The following NEK10 variants were observed in gnomAD, a reference collection of about 807,000 sequenced individuals.
The protein encoded by NEK10 is NIMA related kinase 10.
NEK10 carries 122 observed loss-of-function variants against 159.8 expected under a neutral mutation model. The ratio of observed to expected loss-of-function variants is 0.76; its 90% CI spans 0.66 to 0.89. The LOEUF (loss-of-function observed/expected upper bound fraction) is 0.89. Among genes scored for constraint, NEK10 ranks in the 40% least tolerant of loss-of-function variants. The pLI, the probability that NEK10 is intolerant of heterozygous loss-of-function variation, is 0.00. For synonymous variants in NEK10, 466 were observed against 457.1 expected, an observed-to-expected ratio of 1.02 and a Z score of -0.25; for missense variants, 1,342 against 1,323.1, an observed-to-expected ratio of 1.01 and a Z score of -0.22.
intron 26 of NEK10, among the ~76,000 whole-genome samples, chr3:27,189,978 A>G (rs1948969439): frequency 6.6e-6 from 1 of 152,178 alleles, no homozygotes; most frequent in Non-Finnish European, 1.5e-5. Flanking sequence ...ATAAGGATTT[A>G]ATGTAGAGAC....
At chr3:27,143,815 C>T (rs988529739) in intron 30 of NEK10, among the ~76,000 whole-genome samples, 3 of 152,160 alleles carry the variant, frequency 2.0e-5, no homozygotes, top group African/African-American at 4.8e-5. Context: ...CTTCCACTCA[C>T]TTCTCTATCC....
intron 23 of NEK10, among the ~76,000 whole-genome samples, chr3:27,238,787 G>A (rs1026499792): frequency 1.4e-5 from 2 of 146,696 alleles, no homozygotes; most frequent in Non-Finnish European, 3.0e-5. Flanking sequence ...GTGTGTGTGT[G>A]TGTATGTGAA....
Position 27,174,637 on chromosome 3 carries a change from C to A in NEK10, c.2689+13G>T, listed in dbSNP as rs756593482. 7 of 1,605,218 alleles carry A rather than the reference C, an allele frequency of 4.4e-6. No individual in the cohort carries two copies. The highest frequency in any genetic ancestry group is 2.2e-5 in the East Asian group (1 of 44,790). On this transcript the variant is annotated intron_variant, in intron 27 of 35. Coordinates refer to ENST00000691995, the MANE Select transcript of NEK10 (RefSeq NM_001394966.1). ...TAGCAGTACCTACGTTGACACACTG[C>A]CACTAGCAGTACCTTTCTCAGCATT...
chr3:27,132,160 G>A (rs1210871520), intron 31 of NEK10, among the ~76,000 whole-genome samples, 170 bp from the exon 32 acceptor site: 4 of 152,068 alleles, frequency 2.6e-5, no homozygotes, highest in Non-Finnish European at 5.9e-5. Context: ...TTTACCCTGC[G>A]ATTCAGAAGG....
At chr3:27,128,487 T>C (rs567156051) in intron 32 of NEK10, among the ~76,000 whole-genome samples, 1 of 152,218 alleles carries the variant, frequency 6.6e-6, no homozygotes, top group East Asian at 1.9e-4. Context: ...ACTTCTACAA[T>C]AAGAAACTTT....
chr3:27,237,608 C>A (rs964009692), intron 23 of NEK10, among the ~76,000 whole-genome samples: 1 of 151,056 alleles, frequency 6.6e-6, no homozygotes, highest in African/African-American at 2.4e-5. Context: ...TGTGAGTATG[C>A]AAAGGCATAA....
Position 27,304,064 on chromosome 3 carries a change from G to A in NEK10, c.1028+683C>T, listed in dbSNP as rs1160863236. Among the ~76,000 whole-genome samples, 3 of 152,098 alleles carry A rather than the reference G, an allele frequency of 2.0e-5. No individual in the cohort carries two copies. The South Asian group carries it at 6.2e-4, about 32-fold the overall frequency. On this transcript the variant is annotated intron_variant, in intron 12 of 35. Coordinates refer to ENST00000691995, the MANE Select transcript of NEK10 (RefSeq NM_001394966.1). The stretch of plus-strand genomic sequence containing the variant: ...GAAAATACAGAAGTTAGTTTGCAAC[G>A]TACTTCTAGAGAATTTCAATTGGGA...
chr3:27,248,161 G>T (rs111511304), intron 23 of NEK10, among the ~76,000 whole-genome samples: 1,759 of 152,176 alleles, frequency 0.012, 10 homozygotes, highest in South Asian at 0.021. Flanking sequence ...GCACATAGTT[G>T]TTCGTGGTAG....
chr3:27,260,401 C>T (rs1292833997), intron 22 of NEK10, among the ~76,000 whole-genome samples: 4 of 152,110 alleles, frequency 2.6e-5, no homozygotes, highest in Admixed American at 6.5e-5. Flanking sequence ...CCCATCAATA[C>T]CTAATTTATT....
chr3:27,176,048 T>G (rs1258254183), intron 26 of NEK10, among the ~76,000 whole-genome samples: 1 of 152,186 alleles, frequency 6.6e-6, no homozygotes, highest in African/African-American at 2.4e-5. Flanking sequence ...AATTTGCAGA[T>G]GAAGAAAACC....
In NEK10 at chr3:27,299,082, C is replaced by T. The variant is rs143069525; in HGVS notation, c.1169-1842G>A. 4.4e-3 allele frequency among the ~76,000 whole-genome samples: 674 copies of T among 152,264 alleles called. 2 individuals carry two copies. The highest frequency in any genetic ancestry group is 0.015 in the African/African-American group (620 of 41,558). On this transcript the variant is annotated intron_variant, in intron 13 of 35. Coordinates refer to ENST00000691995, the MANE Select transcript of NEK10 (RefSeq NM_001394966.1). ...TAATGAGGAGCCAAATGTTAACCCCCAAAACAATGGAGAAAATTTCTCCAG... is the reference window on the plus strand; with the variant it reads ...TAATGAGGAGCCAAATGTTAACCCCTAAAACAATGGAGAAAATTTCTCCAG...
chr3:27,272,701 C>T (rs2041463351), intron 22 of NEK10, among the ~76,000 whole-genome samples: 1 of 152,120 alleles, frequency 6.6e-6, no homozygotes, highest in African/African-American at 2.4e-5. Context: ...AGCATATGTT[C>T]TAGGTGCTGA....
intron 1 of NEK10, among the ~76,000 whole-genome samples, chr3:27,353,904 G>A (rs1264209577): frequency 6.6e-6 from 1 of 152,112 alleles, no homozygotes; most frequent in Non-Finnish European, 1.5e-5. Context: ...TACTCTAAAA[G>A]AAAGAAAGAG....
chr3:27,223,382 C>CCCCA (rs1197271875), intron 23 of NEK10, among the ~76,000 whole-genome samples: 1 of 152,150 alleles, frequency 6.6e-6, no homozygotes, highest in Non-Finnish European at 1.5e-5. Flanking sequence ...TCCCCCTGTA[C>CCCCA]CCCAGCCCTT....
At chr3:27,162,786 T>C in intron 29 of NEK10, 48 bp from the exon 30 acceptor site, 1 of 1,612,818 alleles carries the variant, frequency 6.2e-7, no homozygotes, top group Non-Finnish European at 8.5e-7. Context: ...CAACTTGGAT[T>C]TGACAAACTA....
At chr3:27,247,918 A>C (rs1312282275) in intron 23 of NEK10, among the ~76,000 whole-genome samples, 1 of 140,796 alleles carries the variant, frequency 7.1e-6, no homozygotes, top group Non-Finnish European at 1.5e-5. Context: ...CTCTTCCTCC[A>C]TTTTTTGCAA....
chr3:27,346,126 A>C lies in NEK10; in HGVS notation c.223T>G (p.Trp75Gly). ...RAGGHRARGQ[W>G]HESTEAVELE... Reference sequence around the variant, plus strand: ...TCAACAGCTTCTGTGGATTCATGCCACTGACCCCGAGCTCTGTGTCCACCC... The same window carrying C: ...TCAACAGCTTCTGTGGATTCATGCCCCTGACCCCGAGCTCTGTGTCCACCC... Residue 75 changes from tryptophan to glycine, a missense_variant, in exon 4 of 36, where the codon TGG becomes GGG. Physicochemically the swap from Trp to Gly is radical, Grantham distance 184. Coordinates refer to ENST00000691995, the MANE Select transcript of NEK10 (RefSeq NM_001394966.1). 6.2e-7 allele frequency: 1 copy of C among 1,613,786 alleles called. No homozygotes were observed. The highest frequency in any genetic ancestry group is 8.5e-7 in the Non-Finnish European group (1 of 1,179,732).
chr3:27,136,103 ATTTTTTTT>A (rs775843715), intron 31 of NEK10, among the ~76,000 whole-genome samples: 25 of 60,702 alleles, frequency 4.1e-4, no homozygotes, highest in South Asian at 3.0e-3. Context: ...TAGGAGATCG[ATTTTTTTT>A]TTTTTTTTTT....
intron 25 of NEK10, among the ~76,000 whole-genome samples, chr3:27,195,777 C>T (rs532546656): frequency 6.6e-6 from 1 of 152,242 alleles, no homozygotes; most frequent in African/African-American, 2.4e-5. Flanking sequence ...AAGACAGGTC[C>T]TTCTGTAATC....
Sources: allele counts gnomAD v4.1 joint callset (sites outside exome capture counted in the v4.1 genomes callset), GRCh38; gene constraint gnomAD v4.1.1; transcripts MANE v1.5; gene names NCBI Gene and HGNC (gene_info 2026-07-23, HGNC 2026-07-21).